FRMPD1: variants seen among roughly 807,000 people sequenced by gnomAD.
FRMPD1 encodes the protein FERM and PDZ domain containing 1.
FRMPD1 carries 76 observed loss-of-function variants against 117.8 expected under a neutral mutation model. The ratio of observed to expected loss-of-function variants is 0.65; its 90% CI spans 0.54 to 0.78. FRMPD1 has a LOEUF of 0.78. Among genes scored for constraint, FRMPD1 ranks in the 30% least tolerant of loss-of-function variants. The pLI, the probability that FRMPD1 is intolerant of heterozygous loss-of-function variation, is 0.00. For synonymous variants in FRMPD1, 783 were observed against 770.4 expected (o/e 1.02, Z -0.27); for missense variants, 1,786 against 1,964.5 (o/e 0.91, Z 1.72).
At chr9:37,631,909 T>G in the FRMPD1 span, among the ~76,000 whole-genome samples, 2 of 152,210 alleles carry the variant, frequency 1.3e-5, no homozygotes, top group Non-Finnish European at 2.9e-5. Flanking sequence ...CTGGCCTCCA[T>G]GTTTCTTTAT....
At position 37,745,692 on chromosome 9, in the gene FRMPD1, C is replaced by G; in HGVS notation, c.3660C>G (p.Ala1220=). Residue 1220 remains alanine, a synonymous_variant, in exon 16 of 16, where the codon GCC becomes GCG. Coordinates refer to ENST00000377765, the MANE Select transcript of FRMPD1 (RefSeq NM_014907.3). ...TTGGGAAGCAGACAGTTTCACCAGCCGTCCCTCCAGAGGGGATCAAGGCAG... is the reference window on the plus strand; with the variant it reads ...TTGGGAAGCAGACAGTTTCACCAGCGGTCCCTCCAGAGGGGATCAAGGCAG... ...FFLGKQTVSP[A]VPPEGIKAEA... The G allele has an allele frequency of 6.2e-7, 1 of 1,613,968 alleles. No homozygotes were observed. The highest frequency in any genetic ancestry group is 8.5e-7 in the Non-Finnish European group (1 of 1,179,934).
chr9:37,717,377 A>T, intron 5 of FRMPD1, among the ~76,000 whole-genome samples: 1 of 93,212 alleles, frequency 1.1e-5, no homozygotes, highest in East Asian at 2.7e-4. Context: ...GTGTATATAT[A>T]TATATTTTTT....
chr9:37,706,719 C>T (rs1187395135), intron 2 of FRMPD1, among the ~76,000 whole-genome samples: 1 of 152,126 alleles, frequency 6.6e-6, no homozygotes, highest in Non-Finnish European at 1.5e-5. Flanking sequence ...GGAAACCTTG[C>T]AGTTACAAAG....
chr9:37,615,411 A>G, the FRMPD1 span, among the ~76,000 whole-genome samples: 71 of 152,050 alleles, frequency 4.7e-4, 1 homozygote, highest in Admixed American at 7.2e-4. Flanking sequence ...GCACCGGTCT[A>G]TAGCATTTTC....
intron 1 of FRMPD1, among the ~76,000 whole-genome samples, chr9:37,685,527 C>T (rs1316966928): frequency 1.3e-5 from 2 of 152,018 alleles, no homozygotes; most frequent in Non-Finnish European, 2.9e-5. Context: ...TGGCGGGCGC[C>T]TGTAGTCCCA....
At chr9:37,701,503 GCA>G (rs1405650166) in intron 2 of FRMPD1, among the ~76,000 whole-genome samples, 1 of 117,386 alleles carries the variant, frequency 8.5e-6, no homozygotes, top group African/African-American at 2.8e-5. Flanking sequence ...GCGTGTGTGT[GCA>G]TGTACGTGTG....
chr9:37,615,722 C>T, the FRMPD1 span, among the ~76,000 whole-genome samples: 3 of 152,106 alleles, frequency 2.0e-5, no homozygotes, highest in Admixed American at 1.3e-4. Flanking sequence ...TTAACATTGT[C>T]GGGATTTCCC....
the FRMPD1 span, among the ~76,000 whole-genome samples, chr9:37,645,788 T>A: frequency 4.6e-5 from 7 of 152,232 alleles, no homozygotes; most frequent in Non-Finnish European, 7.3e-5. Flanking sequence ...AATCTAATTG[T>A]CCCTAAGAGG....
Position 37,711,399 on chromosome 9 carries a change from A to G in FRMPD1, c.408+4A>G. ...CACAGTTGTTCGCTGCACGTCGGTAAATCTCTTTCTATGTCCTGTGTGTTA... is the reference window on the plus strand; with the variant it reads ...CACAGTTGTTCGCTGCACGTCGGTAGATCTCTTTCTATGTCCTGTGTGTTA... On this transcript the variant is annotated splice_donor_region_variant and intron_variant, in intron 5 of 15. Coordinates refer to ENST00000377765, the MANE Select transcript of FRMPD1 (RefSeq NM_014907.3). 6.3e-7 allele frequency: 1 copy of G among 1,599,876 alleles called. No homozygotes were observed. The highest frequency in any genetic ancestry group is 8.6e-7 in the Non-Finnish European group (1 of 1,167,008).
upstream of FRMPD1, among the ~76,000 whole-genome samples, chr9:37,646,466 C>T (rs1280594700): frequency 2.0e-5 from 3 of 152,196 alleles, no homozygotes; most frequent in Non-Finnish European, 1.5e-5. Flanking sequence ...GCAGAGCACT[C>T]CTAGAGCTCC....
At chr9:37,708,549 G>A (rs1295081205) in intron 4 of FRMPD1, 48 bp downstream of exon 4, 3 of 1,094,432 alleles carry the variant, frequency 2.7e-6, no homozygotes, top group Middle Eastern at 2.0e-4. Flanking sequence ...GATTATCAAA[G>A]AACAAAGATG....
intron 1 of FRMPD1, among the ~76,000 whole-genome samples, chr9:37,664,835 G>T (rs12342575): frequency 0.14 from 22,021 of 152,108 alleles, 2,182 homozygotes; most frequent in East Asian, 0.47. Context: ...ATTGGGGGAA[G>T]TAGTTTTCCT....
chr9:37,653,653 G>T (rs1385065560), intron 1 of FRMPD1, among the ~76,000 whole-genome samples: 2 of 152,204 alleles, frequency 1.3e-5, no homozygotes, highest in Non-Finnish European at 2.9e-5. Context: ...GAGGGGGGCA[G>T]ATTTGACAGA....
chr9:37,663,985 G>A (rs1273416313), intron 1 of FRMPD1, among the ~76,000 whole-genome samples: 1 of 152,134 alleles, frequency 6.6e-6, no homozygotes, highest in East Asian at 1.9e-4. Flanking sequence ...TTGAATCCAC[G>A]GATGCAGAAG....
chr9:37,657,287 A>C (rs1000012590), intron 1 of FRMPD1, among the ~76,000 whole-genome samples: 5 of 152,244 alleles, frequency 3.3e-5, no homozygotes, highest in African/African-American at 1.2e-4. Context: ...TCTGATGCTG[A>C]CTTGTAACTA....
At chr9:37,706,178 T>TA (rs1296767059) in intron 2 of FRMPD1, among the ~76,000 whole-genome samples, 3 of 152,136 alleles carry the variant, frequency 2.0e-5, no homozygotes, top group Non-Finnish European at 4.4e-5. Context: ...CATCTATTCA[T>TA]ACAGATCCTA....
At chr9:37,714,808 G>A (rs923473641) in intron 5 of FRMPD1, among the ~76,000 whole-genome samples, 2 of 151,816 alleles carry the variant, frequency 1.3e-5, no homozygotes, top group Admixed American at 1.3e-4. Context: ...CACCACGCCT[G>A]GCTAATTTTT....
rs190088101 is a variant in FRMPD1 at position 37,738,559 on chromosome 9, G to A, written c.1549+1316G>A. ...TCGCCATGTTGGTCAGACTGGTCTC[G>A]AGCCCCTGACCTCAAATGATCTGCC... On this transcript the variant is annotated intron_variant, in intron 14 of 15. Coordinates refer to ENST00000377765, the MANE Select transcript of FRMPD1 (RefSeq NM_014907.3). Among the ~76,000 whole-genome samples the A allele has an allele frequency of 6.6e-5, 10 of 152,186 alleles. 1 individual carries two copies. Among genetic ancestry groups the A allele is most frequent in the African/African-American group, 2.2e-4 (9 of 41,518 alleles).
At chr9:37,742,080 G>C (rs1031532988) in intron 15 of FRMPD1, among the ~76,000 whole-genome samples, 5 of 152,188 alleles carry the variant, frequency 3.3e-5, no homozygotes, top group Admixed American at 3.3e-4. Context: ...TCCTTTGAGC[G>C]TTAGAACTGT....
Sources: gnomAD v4.1 joint callset for allele counts (sites outside exome capture counted in the v4.1 genomes callset) on GRCh38, gnomAD v4.1.1 for gene constraint, MANE v1.5 for transcripts, NCBI Gene and HGNC (gene_info 2026-07-23, HGNC 2026-07-21) for gene names.